Variants in RALGAPA2 observed in about 807,000 individuals in gnomAD.
The protein encoded by RALGAPA2 is Ral GTPase activating protein catalytic subunit alpha 2.
Under a neutral mutation model 230.4 loss-of-function variants are expected in RALGAPA2, and 139 were observed. That is an observed-to-expected ratio of 0.60 (90% confidence interval 0.53 to 0.69). The LOEUF is 0.69. RALGAPA2 is among the 30% of genes least tolerant of loss of function. The pLI is 0.00. For missense variants in RALGAPA2, 2,163 were observed against 2,276.0 expected, an observed-to-expected ratio of 0.95 and a Z score of 1.01; for synonymous variants, 847 against 837.8, an observed-to-expected ratio of 1.01 and a Z score of -0.19.
chr20:20,501,288 G>A (rs1338382118), intron 35 of RALGAPA2, among the ~76,000 whole-genome samples: 1 of 152,240 alleles, frequency 6.6e-6, no homozygotes, highest in Non-Finnish European at 1.5e-5. Context: ...TTACTACACT[G>A]AAAATCTGTT....
intron 2 of RALGAPA2, among the ~76,000 whole-genome samples, chr20:20,677,675 A>G (rs989204060): frequency 1.3e-4 from 14 of 109,794 alleles, no homozygotes; most frequent in Admixed American, 8.9e-4. Context: ...ATGGAGTCTC[A>G]CTCTGTCACC....
intron 39 of RALGAPA2, among the ~76,000 whole-genome samples, chr20:20,394,199 C>T (rs780212456): frequency 1.4e-4 from 21 of 152,136 alleles, no homozygotes; most frequent in Middle Eastern, 3.2e-3. Flanking sequence ...CTGACCTTCC[C>T]TTATTGTTTC....
chr20:20,460,247 A>G (rs1026423290), intron 37 of RALGAPA2, among the ~76,000 whole-genome samples: 9 of 152,234 alleles, frequency 5.9e-5, no homozygotes, highest in Admixed American at 2.6e-4. Context: ...ATATTTATAT[A>G]TACTTCATTC....
intron 20 of RALGAPA2, among the ~76,000 whole-genome samples, chr20:20,577,352 C>CATAAAAAAAGATT (rs1321019855): frequency 6.6e-6 from 1 of 152,074 alleles, no homozygotes; most frequent in African/African-American, 2.4e-5. Context: ...TCCCAAGACA[C>CATAAAAAAAGATT]ACATAAAAAA....
At chr20:20,706,820 C>T (rs2147028559) in intron 1 of RALGAPA2, among the ~76,000 whole-genome samples, 1 of 152,306 alleles carries the variant, frequency 6.6e-6, no homozygotes, top group East Asian at 1.9e-4. Context: ...TCAGATAAGT[C>T]TCAGCTTTCC....
In RALGAPA2 at chr20:20,609,144, G is replaced by A. The variant is rs1044889257; in HGVS notation, c.1800+2171C>T. Among the ~76,000 whole-genome samples the A allele has an allele frequency of 1.7e-4, 26 of 152,096 alleles. 1 individual carries two copies. The highest frequency in any genetic ancestry group is 1.2e-3 in the Admixed American group (19 of 15,258). On this transcript the variant is annotated intron_variant, in intron 14 of 39. Transcript: ENST00000202677. ...CAAGTAACTGAAACTTCAGGTGCAT[G>A]CCACTATGGCTGGATAATTTTTTTA... is the stretch of plus-strand genomic sequence containing the variant.
At chr20:20,415,270 T>G (rs558094568) in intron 37 of RALGAPA2, among the ~76,000 whole-genome samples, 14 of 152,228 alleles carry the variant, frequency 9.2e-5, no homozygotes, top group Non-Finnish European at 1.9e-4. Flanking sequence ...GTTAAGTGAA[T>G]GCTGAAATAA....
At chr20:20,403,067 C>T (rs181319700) in intron 38 of RALGAPA2, among the ~76,000 whole-genome samples, 170 of 152,170 alleles carry the variant, frequency 1.1e-3, no homozygotes, top group African/African-American at 3.9e-3. Flanking sequence ...CCTTCTCTGA[C>T]CCCCTATTTT....
chr20:20,633,277 G>A (rs1280870619), intron 9 of RALGAPA2, among the ~76,000 whole-genome samples: 1 of 152,090 alleles, frequency 6.6e-6, no homozygotes, highest in Non-Finnish European at 1.5e-5. Flanking sequence ...TGGGATTACA[G>A]ACGCCTACCA....
chr20:20,705,857 C>T (rs893636810), intron 1 of RALGAPA2, among the ~76,000 whole-genome samples: 5 of 152,108 alleles, frequency 3.3e-5, no homozygotes, highest in South Asian at 2.1e-4. Context: ...TTACTAGAGA[C>T]GGTGTTTCAC....
At chr20:20,558,209 T>G (rs1454255558) in intron 23 of RALGAPA2, among the ~76,000 whole-genome samples, 1 of 152,140 alleles carries the variant, frequency 6.6e-6, no homozygotes, top group Non-Finnish European at 1.5e-5. Flanking sequence ...CTTCGCCATG[T>G]TGGCCAGGCT....
At chr20:20,421,031 AGG>A (rs2060265410) in intron 37 of RALGAPA2, among the ~76,000 whole-genome samples, 1 of 152,250 alleles carries the variant, frequency 6.6e-6, no homozygotes, top group African/African-American at 2.4e-5. Context: ...CACACAGAAT[AGG>A]AGAAAACATC....
rs1211868731 is a variant in RALGAPA2, at chr20:20,700,247, G to C, written c.106+12128C>G. 2.0e-5 allele frequency among the ~76,000 whole-genome samples: 3 copies of C among 152,204 alleles called. 1 individual carries two copies. In the East Asian group the frequency reaches 5.8e-4, roughly 29 times the overall value. On this transcript the variant is annotated intron_variant, in intron 1 of 39. Transcript: ENST00000202677. The stretch of plus-strand genomic sequence containing the variant: ...CATATGTTCTCACTTGTAATTGAGA[G>C]CTAAACACCAAGCACAAGGGGACAT...
At chr20:20,710,865 G>A (rs966868045) in intron 1 of RALGAPA2, among the ~76,000 whole-genome samples, 3 of 152,154 alleles carry the variant, frequency 2.0e-5, no homozygotes, top group Non-Finnish European at 4.4e-5. Flanking sequence ...AGTATCAAAC[G>A]CTTTAAAACA....
At chr20:20,423,911 C>T (rs1291234508) in intron 37 of RALGAPA2, among the ~76,000 whole-genome samples, 1 of 152,114 alleles carries the variant, frequency 6.6e-6, no homozygotes, top group Non-Finnish European at 1.5e-5. Flanking sequence ...TCCACTACTG[C>T]TCAAAAAGAA....
At chr20:20,592,345 T>A (rs2065317536) in intron 16 of RALGAPA2, among the ~76,000 whole-genome samples, 1 of 152,164 alleles carries the variant, frequency 6.6e-6, no homozygotes, top group African/African-American at 2.4e-5. Context: ...GTACTCTAGC[T>A]CACTTTAGTC....
intron 20 of RALGAPA2, among the ~76,000 whole-genome samples, chr20:20,582,088 TC>T (rs1002648481): frequency 6.6e-6 from 1 of 151,794 alleles, no homozygotes; most frequent in Admixed American, 6.6e-5. Flanking sequence ...CTCCATGGCC[TC>T]CCCGTTCTCA....
intron 1 of RALGAPA2, among the ~76,000 whole-genome samples, chr20:20,696,869 C>G (rs2069132964): frequency 6.6e-6 from 1 of 152,030 alleles, no homozygotes; most frequent in African/African-American, 2.4e-5. Flanking sequence ...TCATCATTAC[C>G]TGAAATTGTA....
chr20:20,600,054 G>A (rs561217280), intron 16 of RALGAPA2, among the ~76,000 whole-genome samples: 2 of 152,196 alleles, frequency 1.3e-5, no homozygotes, highest in South Asian at 4.1e-4. Flanking sequence ...CAGCACTTTG[G>A]GAAACAGAGA....
Sources: allele counts gnomAD v4.1 joint callset (sites outside exome capture counted in the v4.1 genomes callset), GRCh38; gene constraint gnomAD v4.1.1; transcripts MANE v1.5; gene names NCBI Gene and HGNC (gene_info 2026-07-23, HGNC 2026-07-21).